Variants in TTLL5 observed in about 807,000 individuals in gnomAD.
TTLL5 encodes the protein tubulin polyglutamylase TTLL5.
TTLL5 carries 132 observed loss-of-function variants against 168.4 expected under a neutral mutation model. The observed-to-expected ratio is 0.78, with a 90% CI of 0.68 to 0.91. The LOEUF (loss-of-function observed/expected upper bound fraction) is 0.91, where lower values mean the gene tolerates loss of function less well. Ranked by LOEUF, TTLL5 falls within the 40% of genes least tolerant of loss-of-function variation. TTLL5 has a pLI of 0.00. For synonymous variants in TTLL5, 546 were observed against 558.6 expected, an observed-to-expected ratio of 0.98 and a Z score of 0.32; for missense variants, 1,545 against 1,581.5, an observed-to-expected ratio of 0.98 and a Z score of 0.39.
In TTLL5 at chr14:75,783,275, G is replaced by C; in HGVS notation, c.2731G>C (p.Gly911Arg). Residue 911 changes from glycine to arginine, a missense_variant, in exon 26 of 32, where the codon GGG becomes CGG. Gly to Arg is a moderately radical substitution (Grantham distance 125, BLOSUM62 -2). Coordinates refer to ENST00000298832, the MANE Select transcript of TTLL5 (RefSeq NM_015072.5). Reference protein sequence around the residue: ...SSVTTSDLSPGPCHHSSLSQI... With the variant: ...SSVTTSDLSPRPCHHSSLSQI... ...TGTTACAACCTCTGACCTCTCTCCA[G>C]GGCCTTGCCACCATTCTTCTTTATC... is the stretch of plus-strand genomic sequence containing the variant. 2 of 1,614,130 alleles carry C rather than the reference G, an allele frequency of 1.2e-6. No homozygotes were observed. The highest frequency in any genetic ancestry group is 1.7e-6 in the Non-Finnish European group (2 of 1,180,002).
At chr14:75,889,385 A>G (rs1387164040) in intron 30 of TTLL5, among the ~76,000 whole-genome samples, 1 of 152,270 alleles carries the variant, frequency 6.6e-6, no homozygotes, top group Non-Finnish European at 1.5e-5. Flanking sequence ...GGGATTAGTT[A>G]ATAAGATTAA....
intron 31 of TTLL5, chr14:75,904,375 C>T (rs1368170258): frequency 1.9e-6 from 1 of 521,380 alleles, no homozygotes; most frequent in Non-Finnish European, 2.5e-6. Context: ...ACCCCTTTGG[C>T]TCTTCAAGTT....
chr14:75,923,608 C>G (rs1046401731), intron 31 of TTLL5, among the ~76,000 whole-genome samples: 1 of 152,134 alleles, frequency 6.6e-6, no homozygotes, highest in Non-Finnish European at 1.5e-5. Context: ...TTTACATTTG[C>G]TGAGGAGTGC....
intron 29 of TTLL5, among the ~76,000 whole-genome samples, chr14:75,868,546 A>AC (rs962680800): frequency 1.3e-5 from 2 of 152,146 alleles, no homozygotes; most frequent in African/African-American, 4.8e-5. Context: ...TGTTCCTATA[A>AC]CAGGCAGGAC....
intron 31 of TTLL5, among the ~76,000 whole-genome samples, chr14:75,917,155 C>T (rs975941589): frequency 1.3e-5 from 2 of 152,202 alleles, no homozygotes; most frequent in African/African-American, 4.8e-5. Flanking sequence ...CTGAACTGTA[C>T]ACTTGAAATT....
chr14:75,919,287 A>T (rs2033739296), intron 31 of TTLL5, among the ~76,000 whole-genome samples: 1 of 152,020 alleles, frequency 6.6e-6, no homozygotes, highest in African/African-American at 2.4e-5. Context: ...TCCAAAAAGA[A>T]TAGGACAGGG....
chr14:75,755,887 C>G (rs904407198), intron 18 of TTLL5, among the ~76,000 whole-genome samples: 6 of 152,038 alleles, frequency 3.9e-5, no homozygotes, highest in African/African-American at 1.5e-4. Flanking sequence ...GACTCCTCCC[C>G]GACCTACCCA....
intron 20 of TTLL5, among the ~76,000 whole-genome samples, chr14:75,768,082 T>C (rs886839845): frequency 6.6e-6 from 1 of 152,142 alleles, no homozygotes; most frequent in Non-Finnish European, 1.5e-5. Flanking sequence ...TGAACAGGAT[T>C]GTATAGTTGG....
chr14:75,839,722 A>G (rs1595131037), intron 28 of TTLL5, among the ~76,000 whole-genome samples: 1 of 152,192 alleles, frequency 6.6e-6, no homozygotes, highest in African/African-American at 2.4e-5. Context: ...ATTATAATTC[A>G]AGATGAGATT....
chr14:75,793,896 A>G (rs1017837360), intron 27 of TTLL5, among the ~76,000 whole-genome samples: 5 of 152,194 alleles, frequency 3.3e-5, no homozygotes, highest in Non-Finnish European at 5.9e-5. Context: ...ATATTTTGCT[A>G]TGTTGCTGAT....
chr14:75,775,668 C>T (rs1454949827), intron 22 of TTLL5, 38 bp downstream of exon 22: 2 of 1,609,912 alleles, frequency 1.2e-6, no homozygotes, highest in Admixed American at 1.7e-5. Context: ...TTTGGATTGC[C>T]ATACACTGTC....
At chr14:75,687,716 TCTTAAAACTCA>T (rs1205502418) in intron 5 of TTLL5, among the ~76,000 whole-genome samples, 1 of 151,992 alleles carries the variant, frequency 6.6e-6, no homozygotes, top group Non-Finnish European at 1.5e-5. Flanking sequence ...TATAACAAAC[TCTTAAAACTCA>T]ACCATAAGGA....
At chr14:75,869,163 A>G (rs1170326586) in intron 29 of TTLL5, among the ~76,000 whole-genome samples, 2 of 151,206 alleles carry the variant, frequency 1.3e-5, no homozygotes, top group African/African-American at 4.9e-5. Flanking sequence ...TTATTTTCCC[A>G]CTTGACTTTT....
chr14:75,661,899 G>C (rs1259776963), intron 1 of TTLL5, among the ~76,000 whole-genome samples: 3 of 151,810 alleles, frequency 2.0e-5, no homozygotes, highest in Non-Finnish European at 4.4e-5. Flanking sequence ...CAGTCTCATC[G>C]TATTTATGAA....
intron 2 of TTLL5, among the ~76,000 whole-genome samples, chr14:75,667,880 C>G (rs960873006): frequency 2.7e-5 from 4 of 150,788 alleles, no homozygotes; most frequent in Admixed American, 6.6e-5. Context: ...TCTGCCTCAG[C>G]CTCCCGAGTA....
chr14:75,755,163 G>C (rs958244083), intron 18 of TTLL5, among the ~76,000 whole-genome samples: 19 of 152,000 alleles, frequency 1.3e-4, no homozygotes, highest in African/African-American at 4.6e-4. Context: ...ACTTGGGAAG[G>C]CTGAGGCAGG....
At chr14:75,821,904 T>C (rs1315205024) in intron 28 of TTLL5, among the ~76,000 whole-genome samples, 1 of 152,204 alleles carries the variant, frequency 6.6e-6, no homozygotes, top group African/African-American at 2.4e-5. Flanking sequence ...TTACCTCCTC[T>C]TCAAACACAA....
intron 3 of TTLL5, among the ~76,000 whole-genome samples, chr14:75,679,371 A>C (rs1884425524): frequency 1.3e-5 from 2 of 152,216 alleles, no homozygotes; most frequent in Admixed American, 6.5e-5. Context: ...GGAAAAGGGA[A>C]GGAAACAAAT....
At chr14:75,903,479 T>C (rs1368267533) in intron 31 of TTLL5, among the ~76,000 whole-genome samples, 2 of 152,058 alleles carry the variant, frequency 1.3e-5, no homozygotes, top group Non-Finnish European at 2.9e-5. Context: ...GGCCATTTTA[T>C]GAGCCATGTA....
Sources: allele counts gnomAD v4.1 joint callset (sites outside exome capture counted in the v4.1 genomes callset), GRCh38; gene constraint gnomAD v4.1.1; transcripts MANE v1.5; gene names NCBI Gene and HGNC (gene_info 2026-07-23, HGNC 2026-07-21).